KGD4: variants seen among roughly 807,000 people sequenced by gnomAD.
KGD4 encodes alpha-ketoglutarate dehydrogenase subunit 4, also known as alpha-ketoglutarate dehydrogenase component 4.
At chr5:69,222,579 T>A in the KGD4 span, among the ~76,000 whole-genome samples, 1 of 152,180 alleles carries the variant, frequency 6.6e-6, no homozygotes, top group African/African-American at 2.4e-5. Context: ...TTTTTTTTCT[T>A]CTTTTAAGTT....
chr5:69,226,029 C>G, the KGD4 span, among the ~76,000 whole-genome samples: 1 of 152,234 alleles, frequency 6.6e-6, no homozygotes, highest in East Asian at 1.9e-4. Context: ...CTGCACCCAG[C>G]CAGCTTTCAT....
chr5:69,226,249 T>G, the KGD4 span: 1 of 916,550 alleles, frequency 1.1e-6, no homozygotes, highest in Non-Finnish European at 1.7e-6. Context: ...AAAATAGTAA[T>G]TTTAACAAAC....
At chr5:69,220,858 T>C in the KGD4 span, among the ~76,000 whole-genome samples, 1 of 152,210 alleles carries the variant, frequency 6.6e-6, no homozygotes, top group South Asian at 2.1e-4. Flanking sequence ...TCTTCTGCCT[T>C]GGGATGCTGT....
At chr5:69,218,395 GCGT>G in the KGD4 span, among the ~76,000 whole-genome samples, 1 of 152,348 alleles carries the variant, frequency 6.6e-6, no homozygotes, top group Non-Finnish European at 1.5e-5. Context: ...ACCTCTCCAA[GCGT>G]CTGGCTACAG....
chr5:69,226,779 C>T, the KGD4 span, among the ~76,000 whole-genome samples: 2 of 151,590 alleles, frequency 1.3e-5, no homozygotes, highest in South Asian at 2.1e-4. Context: ...ACCCACGAGG[C>T]GGAGGTTGCA....
the KGD4 span, among the ~76,000 whole-genome samples, chr5:69,227,906 G>A: frequency 6.6e-6 from 1 of 152,278 alleles, no homozygotes; most frequent in Admixed American, 6.5e-5. Context: ...GTTTGCTTGA[G>A]CCCAGGAGTT....
chr5:69,226,766 T>C, the KGD4 span, among the ~76,000 whole-genome samples: 43 of 151,866 alleles, frequency 2.8e-4, no homozygotes, highest in Non-Finnish European at 5.6e-4. Flanking sequence ...TAGAATTGCT[T>C]GAACCCACGA....
chr5:69,223,378 C>T, the KGD4 span, among the ~76,000 whole-genome samples: 1 of 151,908 alleles, frequency 6.6e-6, no homozygotes, highest in African/African-American at 2.4e-5. Context: ...CATGCCCGGC[C>T]GAGAAGTTTT....
At chr5:69,226,400 TG>T in the KGD4 span, 1 of 1,591,516 alleles carries the variant, frequency 6.3e-7, no homozygotes, top group Non-Finnish European at 8.6e-7. Flanking sequence ...CTAAACCCAA[TG>T]GTGAGTTGTA....
chr5:69,229,333 TG>T, the KGD4 span: 7 of 858,824 alleles, frequency 8.2e-6, no homozygotes, highest in African/African-American at 1.2e-4. Context: ...ATAAATATTA[TG>T]AAAAAAATGA....
chr5:69,225,723 G>C, the KGD4 span, among the ~76,000 whole-genome samples: 2,363 of 152,046 alleles, frequency 0.016, 70 homozygotes, highest in African/African-American at 0.054. Flanking sequence ...TAGGATTACA[G>C]GCACGCATCA....
At chr5:69,228,496 G>A in the KGD4 span, 1 of 1,127,936 alleles carries the variant, frequency 8.9e-7, no homozygotes, top group Non-Finnish European at 1.3e-6. Context: ...GTCAGAGTGT[G>A]GTCAGAGCTA....
At chr5:69,228,378 A>G in the KGD4 span, 2 of 1,597,908 alleles carry the variant, frequency 1.3e-6, no homozygotes, top group Non-Finnish European at 1.7e-6. Flanking sequence ...AAGAAATGGA[A>G]TTTATCCAAG....
the KGD4 span, among the ~76,000 whole-genome samples, chr5:69,225,743 A>G: frequency 0.6 from 91,130 of 151,188 alleles, 27,860 homozygotes; most frequent in African/African-American, 0.72. Context: ...ACCATGCCCA[A>G]CTAATTTTTG....
the KGD4 span, among the ~76,000 whole-genome samples, chr5:69,226,675 T>C: frequency 3.3e-5 from 5 of 151,888 alleles, no homozygotes; most frequent in African/African-American, 1.2e-4. Flanking sequence ...GGTGAAACCC[T>C]GTCTCTACTA....
chr5:69,223,074 CTTTT>C, the KGD4 span, among the ~76,000 whole-genome samples: 7 of 59,128 alleles, frequency 1.2e-4, no homozygotes, highest in African/African-American at 5.8e-4. Context: ...CGGTGCGCAG[CTTTT>C]TTTTTTTTTT....
chr5:69,228,734 G>T, the KGD4 span, among the ~76,000 whole-genome samples: 1 of 152,202 alleles, frequency 6.6e-6, no homozygotes, highest in African/African-American at 2.4e-5. Context: ...TGATAAGAGG[G>T]CTGGGCATGG....
chr5:69,218,470 A>ATTGTGTGTG, the KGD4 span, among the ~76,000 whole-genome samples: 5 of 148,632 alleles, frequency 3.4e-5, no homozygotes, highest in African/African-American at 9.9e-5. Flanking sequence ...GTGTATATTA[A>ATTGTGTGTG]TGTGTGTGTG....
At chr5:69,222,788 G>C in the KGD4 span, among the ~76,000 whole-genome samples, 1 of 104,236 alleles carries the variant, frequency 9.6e-6, no homozygotes, top group Non-Finnish European at 1.9e-5. Flanking sequence ...ACAGTTAATA[G>C]AGAAGTTTTT....
Sources: allele counts gnomAD v4.1 joint callset (sites outside exome capture counted in the v4.1 genomes callset), GRCh38; gene constraint gnomAD v4.1.1; transcripts MANE v1.5; gene names NCBI Gene and HGNC (gene_info 2026-07-23, HGNC 2026-07-21).